Variants in TRAPPC12 observed in about 807,000 individuals in gnomAD.
TRAPPC12 encodes the protein trafficking protein particle complex subunit 12.
TRAPPC12 carries 61 observed loss-of-function variants against 69.2 expected under a neutral mutation model. The observed-to-expected ratio is 0.88, with a 90% CI of 0.72 to 1.09. The LOEUF (loss-of-function observed/expected upper bound fraction) is 1.09. TRAPPC12 is among the 50% of genes least tolerant of loss of function. The probability of loss-of-function intolerance (pLI) is 0.00; values close to 1 mark genes in which losing one functional copy is unlikely to be tolerated. For synonymous variants in TRAPPC12, 469 were observed against 438.9 expected (o/e 1.07, Z -0.86); for missense variants, 1,101 against 1,016.4 (o/e 1.08, Z -1.13).
At chr2:3,405,033 G>T (rs1291866943) in intron 3 of TRAPPC12, among the ~76,000 whole-genome samples, 1 of 152,126 alleles carries the variant, frequency 6.6e-6, no homozygotes, top group Non-Finnish European at 1.5e-5. Context: ...TTCAAACTGT[G>T]ATTCTGAGAA....
intron 6 of TRAPPC12, chr2:3,457,299 T>TG: frequency 6.7e-6 from 2 of 297,808 alleles, no homozygotes; most frequent in Non-Finnish European, 1.2e-5. Flanking sequence ...GGGGGGAGGG[T>TG]GGGATGGGAG....
intron 2 of TRAPPC12, among the ~76,000 whole-genome samples, chr2:3,391,215 AT>A (rs373977041): frequency 2.4e-4 from 36 of 152,194 alleles, no homozygotes; most frequent in African/African-American, 8.0e-4. Flanking sequence ...CTGGCCTCAG[AT>A]CCTGTGCGTG....
intron 5 of TRAPPC12, among the ~76,000 whole-genome samples, chr2:3,439,887 AT>A (rs55915131): frequency 1.7e-3 from 249 of 146,744 alleles, no homozygotes; most frequent in Middle Eastern, 3.5e-3. Context: ...GTCTAGATTC[AT>A]TTTTTTTTTT....
intron 2 of TRAPPC12, among the ~76,000 whole-genome samples, chr2:3,394,538 G>A (rs933943128): frequency 1.3e-5 from 2 of 151,944 alleles, no homozygotes; most frequent in South Asian, 2.1e-4. Context: ...GGAGAATCAC[G>A]TGAACCCAGG....
intron 1 of TRAPPC12, among the ~76,000 whole-genome samples, chr2:3,381,988 A>G (rs1224983175): frequency 6.6e-6 from 1 of 152,184 alleles, no homozygotes; most frequent in Non-Finnish European, 1.5e-5. Context: ...GCAAAATTGT[A>G]TTTGTGAGAT....
chr2:3,434,243 A>G (rs911904117), intron 5 of TRAPPC12, among the ~76,000 whole-genome samples: 15 of 152,186 alleles, frequency 9.9e-5, no homozygotes, highest in Non-Finnish European at 1.5e-5. Flanking sequence ...TGCTGAGTAA[A>G]TGTCAGCTCA....
intron 8 of TRAPPC12, among the ~76,000 whole-genome samples, chr2:3,465,085 A>C (rs35943409): frequency 0.06 from 9,141 of 152,310 alleles, 397 homozygotes; most frequent in Admixed American, 0.12. Flanking sequence ...GACCTCCATC[A>C]CATACTCAGC....
At chr2:3,422,526 C>T (rs1447334895) in intron 4 of TRAPPC12, among the ~76,000 whole-genome samples, 3 of 152,236 alleles carry the variant, frequency 2.0e-5, no homozygotes, top group African/African-American at 4.8e-5. Context: ...ACATTCTTAC[C>T]TTTCCCTGGG....
intron 5 of TRAPPC12, among the ~76,000 whole-genome samples, chr2:3,439,800 C>G (rs1342424166): frequency 3.3e-5 from 5 of 151,906 alleles, no homozygotes; most frequent in African/African-American, 1.2e-4. Context: ...GTGTTCTGTT[C>G]TAGAAGTTGT....
Position 3,457,098 on chromosome 2 carries a change from CTG to C in TRAPPC12, c.1531-520_1531-519del, listed in dbSNP as rs1162100725. 13 of 464,314 alleles carry C rather than the reference CTG, an allele frequency of 2.8e-5. No individual in the cohort carries two copies. The East Asian group carries it at 8.3e-4, about 30-fold the overall frequency. The allele number at this position is 464,314 out of a possible 1,614,324, so 28.8% of individuals were successfully genotyped here. A position where few individuals can be genotyped will look rare whatever the true frequency, so the allele number is the denominator to read the frequency against. On this transcript the variant is annotated intron_variant, in intron 6 of 11. Transcript: ENST00000324266. ...ATAAGGAAAAGATGGTGCACATACA[CTG>C]TGGAATACTACGCAGCCGTAAAAAA...
At position 3,454,024 on chromosome 2, in the gene TRAPPC12, AAAC is replaced by A. The variant is rs571918078; in HGVS notation, c.1531-3594_1531-3592del. ...CATTAAATGACACACCCTACAAATA[AAAC>A]AATAGTCACTGAGGGTCAGAAGGTT... is the stretch of plus-strand genomic sequence containing the variant. On this transcript the variant is annotated intron_variant, in intron 6 of 11. Transcript: ENST00000324266. Among the ~76,000 whole-genome samples the A allele has an allele frequency of 2.1e-3, 316 of 152,300 alleles. 3 individuals are homozygous for A. The highest frequency in any genetic ancestry group is 7.2e-3 in the African/African-American group (301 of 41,552).
At chr2:3,401,727 T>C (rs1661453650) in intron 2 of TRAPPC12, 50 bp from the exon 3 acceptor site, 2 of 1,311,364 alleles carry the variant, frequency 1.5e-6, no homozygotes, top group South Asian at 3.0e-5. Flanking sequence ...GTTAGCTGAG[T>C]TTAGTTGACA....
intron 8 of TRAPPC12, among the ~76,000 whole-genome samples, chr2:3,461,416 T>C (rs1466748515): frequency 6.6e-6 from 1 of 152,230 alleles, no homozygotes; most frequent in Non-Finnish European, 1.5e-5. Flanking sequence ...TACGTCAGGC[T>C]GGACGCACAA....
chr2:3,457,227 C>T (rs1342502444), intron 6 of TRAPPC12: 2 of 437,680 alleles, frequency 4.6e-6, no homozygotes, highest in Admixed American at 5.0e-5. Flanking sequence ...AATGTTTTCA[C>T]ATGTAAGTAG....
intron 3 of TRAPPC12, among the ~76,000 whole-genome samples, chr2:3,404,927 A>T (rs1425481680): frequency 6.6e-6 from 1 of 152,084 alleles, no homozygotes; most frequent in African/African-American, 2.4e-5. Flanking sequence ...AACCACAAGA[A>T]GATTAGTCTG....
chr2:3,399,834 A>G (rs1233156877), intron 2 of TRAPPC12, among the ~76,000 whole-genome samples: 1 of 149,148 alleles, frequency 6.7e-6, no homozygotes, highest in African/African-American at 2.4e-5. Context: ...CCGCCGCCAA[A>G]AAAAAAAGGG....
intron 2 of TRAPPC12, chr2:3,389,740 C>CT: frequency 8.5e-6 from 4 of 471,122 alleles, no homozygotes; most frequent in Non-Finnish European, 1.8e-5. Flanking sequence ...AGTTCTTGTC[C>CT]TGCCTCCAAG....
chr2:3,460,341 G>A lies in TRAPPC12; in HGVS notation c.1677+5G>A, dbSNP rs772333765. The A allele has an allele frequency of 1.1e-5, 10 of 870,950 alleles. No homozygotes were observed. The highest frequency in any genetic ancestry group is 2.4e-5 in the East Asian group (1 of 41,638). 54.0% of individuals were successfully genotyped at this position (870,950 alleles called of 1,614,324 possible). On this transcript the variant is annotated splice_donor_5th_base_variant and intron_variant, in intron 8 of 11. Coordinates refer to ENST00000324266, the MANE Select transcript of TRAPPC12 (RefSeq NM_016030.6). ...AACTGTCTGCTCCTGATGAAGGTAC[G>A]TGGGTGGCCAAGCAGGGCTGCCATG...
intron 4 of TRAPPC12, among the ~76,000 whole-genome samples, chr2:3,423,902 G>A (rs1049975582): frequency 6.6e-6 from 1 of 152,074 alleles, no homozygotes; most frequent in African/African-American, 2.4e-5. Flanking sequence ...GTGCTCTCTC[G>A]TATGTTGTGT....
Sources: allele counts gnomAD v4.1 joint callset (sites outside exome capture counted in the v4.1 genomes callset), GRCh38; gene constraint gnomAD v4.1.1; transcripts MANE v1.5; gene names NCBI Gene and HGNC (gene_info 2026-07-23, HGNC 2026-07-21).